Variants in ST8SIA6 observed in about 807,000 individuals in gnomAD.
ST8SIA6 encodes the protein ST8 alpha-N-acetyl-neuraminide alpha-2,8-sialyltransferase 6, also known as alpha-2,8-sialyltransferase 8F.
ST8SIA6 carries 39 observed loss-of-function variants against 33.6 expected under a neutral mutation model. That is an observed-to-expected ratio of 1.16 (90% confidence interval 0.90 to 1.52). ST8SIA6 has a LOEUF of 1.52. Ranked by LOEUF, ST8SIA6 falls within the 40% of genes most tolerant of loss-of-function variation. The pLI, the probability that ST8SIA6 is intolerant of heterozygous loss-of-function variation, is 0.00. For synonymous variants in ST8SIA6, 172 were observed against 167.2 expected (o/e 1.03, Z -0.22); for missense variants, 441 against 443.8 (o/e 0.99, Z 0.06).
intron 2 of ST8SIA6, among the ~76,000 whole-genome samples, chr10:17,402,621 G>GT (rs1851089532): frequency 1.3e-5 from 2 of 152,322 alleles, no homozygotes; most frequent in Admixed American, 1.3e-4. Flanking sequence ...CATGTCCTTT[G>GT]TAGGGACATG....
intron 4 of ST8SIA6, among the ~76,000 whole-genome samples, chr10:17,356,607 C>T (rs1240400307): frequency 6.6e-6 from 1 of 152,014 alleles, no homozygotes; most frequent in Admixed American, 6.6e-5. Flanking sequence ...AGGCCAGTTT[C>T]GAACTCCTGG....
intron 2 of ST8SIA6, among the ~76,000 whole-genome samples, chr10:17,396,366 G>T (rs910350167): frequency 4.6e-5 from 7 of 152,158 alleles, no homozygotes; most frequent in Admixed American, 6.5e-5. Context: ...AATTTGTAGG[G>T]CCTTTTATAT....
intron 4 of ST8SIA6, among the ~76,000 whole-genome samples, chr10:17,349,488 T>A (rs989034591): frequency 3.9e-5 from 6 of 152,206 alleles, no homozygotes; most frequent in African/African-American, 1.4e-4. Context: ...GTACTGAGCA[T>A]TTGACATATT....
chr10:17,424,968 C>A (rs1174390243), intron 2 of ST8SIA6, among the ~76,000 whole-genome samples: 2 of 151,964 alleles, frequency 1.3e-5, no homozygotes, highest in South Asian at 4.1e-4. Flanking sequence ...CTTCTGGCCT[C>A]AAGTGATTCT....
At chr10:17,376,872 T>G (rs1289804040) in intron 3 of ST8SIA6, among the ~76,000 whole-genome samples, 3 of 152,256 alleles carry the variant, frequency 2.0e-5, no homozygotes, top group East Asian at 1.9e-4. Flanking sequence ...AAACTCAAAG[T>G]AAGAGAAAGA....
intron 3 of ST8SIA6, among the ~76,000 whole-genome samples, chr10:17,371,642 A>G (rs56332363): frequency 0.18 from 27,331 of 151,516 alleles, 2,588 homozygotes; most frequent in South Asian, 0.22. Context: ...AAAAGTTAGC[A>G]GGGCGTGGTG....
intron 2 of ST8SIA6, among the ~76,000 whole-genome samples, chr10:17,452,891 T>C (rs909292273): frequency 1.3e-5 from 2 of 152,120 alleles, no homozygotes; most frequent in African/African-American, 4.8e-5. Flanking sequence ...AATATATGTA[T>C]ATAGAAAAGA....
rs1246459775 is a variant in ST8SIA6 at position 17,316,169 on chromosome 10, C to T, written c.*4709G>A. Among the ~76,000 whole-genome samples the T allele has an allele frequency of 6.6e-6, 1 of 151,696 alleles. No homozygotes were observed. Among genetic ancestry groups the T allele is most frequent in the African/African-American group, 2.4e-5 (1 of 41,312 alleles). On this transcript the variant is annotated 3_prime_UTR_variant, in exon 8 of 8. Transcript: ENST00000377602. ...TTATCCCTAAACCCACTCCGATTAC[C>T]CTCTTCTTAATGGGTACCCTTCTTG...
At chr10:17,428,825 A>T (rs577424259) in intron 2 of ST8SIA6, among the ~76,000 whole-genome samples, 1 of 152,212 alleles carries the variant, frequency 6.6e-6, no homozygotes, top group Non-Finnish European at 1.5e-5. Flanking sequence ...AAGTAATACA[A>T]GGATAGATGC....
chr10:17,336,580 A>G (rs941058821), intron 4 of ST8SIA6, among the ~76,000 whole-genome samples: 11 of 146,120 alleles, frequency 7.5e-5, no homozygotes, highest in Admixed American at 6.9e-5. Context: ...GAACAGAATT[A>G]TATCACATGT....
At chr10:17,393,142 C>T (rs896930102) in intron 2 of ST8SIA6, among the ~76,000 whole-genome samples, 10 of 152,106 alleles carry the variant, frequency 6.6e-5, no homozygotes, top group Non-Finnish European at 1.5e-4. Context: ...CATCGGTGCT[C>T]CTGGTTCTAG....
intron 4 of ST8SIA6, among the ~76,000 whole-genome samples, chr10:17,338,376 G>T (rs1202390653): frequency 6.6e-6 from 1 of 152,284 alleles, no homozygotes; most frequent in Non-Finnish European, 1.5e-5. Context: ...TTGAGAGAGG[G>T]TAAGTTATAT....
rs576709035 is a variant in ST8SIA6 at position 17,369,454 on chromosome 10, T to C, written c.291-9854A>G. ...ATATTATGCTTTGTATTATTTCTAT[T>C]CTTTTAAATGTACTGCATTTAAAAA... is the stretch of plus-strand genomic sequence containing the variant. On this transcript the variant is annotated intron_variant, in intron 3 of 7. Coordinates refer to ENST00000377602, the MANE Select transcript of ST8SIA6 (RefSeq NM_001004470.3). 4.6e-5 allele frequency among the ~76,000 whole-genome samples: 7 copies of C among 152,320 alleles called. No homozygotes were observed. In the East Asian group the frequency reaches 1.2e-3, roughly 25 times the overall value.
chr10:17,417,208 A>G (rs190627084), intron 2 of ST8SIA6, among the ~76,000 whole-genome samples: 1 of 152,242 alleles, frequency 6.6e-6, no homozygotes, highest in East Asian at 1.9e-4. Context: ...GTGTGAACTC[A>G]GAGAATAAGA....
chr10:17,345,012 C>A (rs1415533158), intron 4 of ST8SIA6, among the ~76,000 whole-genome samples: 1 of 148,606 alleles, frequency 6.7e-6, no homozygotes, highest in East Asian at 2.3e-4. Context: ...AGAGAACATC[C>A]CATCCCATGG....
chr10:17,403,269 C>T lies in ST8SIA6; in HGVS notation c.201-12649G>A, dbSNP rs1851119730. Among the ~76,000 whole-genome samples the T allele has an allele frequency of 3.3e-5, 5 of 152,272 alleles. No homozygotes were observed. The South Asian group carries it at 1.0e-3, about 32-fold the overall frequency. On this transcript the variant is annotated intron_variant, in intron 2 of 7. Coordinates refer to ENST00000377602, the MANE Select transcript of ST8SIA6 (RefSeq NM_001004470.3). Reference sequence around the variant, plus strand: ...TTATAAAAACCTCAAATTCAGTGTGCAAAAGTGGGACCCTAATTAGGAAAT... The same window carrying T: ...TTATAAAAACCTCAAATTCAGTGTGTAAAAGTGGGACCCTAATTAGGAAAT...
In ST8SIA6 at chr10:17,436,886, A is replaced by C. The variant is rs114261546; in HGVS notation, c.200+16673T>G. 6.2e-3 allele frequency among the ~76,000 whole-genome samples: 936 copies of C among 152,082 alleles called. 9 individuals carry two copies. The highest frequency in any genetic ancestry group is 0.022 in the African/African-American group (897 of 41,468). On this transcript the variant is annotated intron_variant, in intron 2 of 7. Transcript: ENST00000377602. ...CTTCCCTTGTCTGCCACCCTGTGAG[A>C]TATGCCTTTTACCTTCCACCATGAT...
At chr10:17,322,794 G>A (rs1365731236) in intron 7 of ST8SIA6, among the ~76,000 whole-genome samples, 1 of 152,078 alleles carries the variant, frequency 6.6e-6, no homozygotes, top group Non-Finnish European at 1.5e-5. Context: ...GGAAAAAAGT[G>A]GCTTCATTAT....
intron 2 of ST8SIA6, among the ~76,000 whole-genome samples, chr10:17,406,756 C>T (rs1257245650): frequency 6.6e-6 from 1 of 151,504 alleles, no homozygotes; most frequent in Non-Finnish European, 1.5e-5. Flanking sequence ...CAGGGTAGGC[C>T]CTAATATTCT....
Sources: allele counts gnomAD v4.1 joint callset (sites outside exome capture counted in the v4.1 genomes callset), GRCh38; gene constraint gnomAD v4.1.1; transcripts MANE v1.5; gene names NCBI Gene and HGNC (gene_info 2026-07-23, HGNC 2026-07-21).